Variants in UBE2R2 observed in about 807,000 individuals in gnomAD.
The protein encoded by UBE2R2 is ubiquitin-conjugating enzyme E2 R2.
UBE2R2 carries 1 observed loss-of-function variant against 27.8 expected under a neutral mutation model. The observed-to-expected ratio is 0.04, with a 90% CI of 0.01 to 0.17. The LOEUF (loss-of-function observed/expected upper bound fraction) is 0.17. UBE2R2 is among the 10% of genes least tolerant of loss of function. UBE2R2 has a pLI of 1.00. For synonymous variants in UBE2R2, 106 were observed against 113.3 expected, an observed-to-expected ratio of 0.94 and a Z score of 0.41; for missense variants, 100 against 291.0, an observed-to-expected ratio of 0.34 and a Z score of 4.78.
chr9:33,883,752 CAATA>C lies in UBE2R2; in HGVS notation c.178-3125_178-3122del, dbSNP rs1442741624. On this transcript the variant is annotated intron_variant, in intron 1 of 4. Transcript: ENST00000263228. Reference sequence around the variant, plus strand: ...AAAAAGAAATAAAAAAGAATAAGGTCAATAAATTGACCTATCTTCAAATTCACTA... The same window carrying C: ...AAAAAGAAATAAAAAAGAATAAGGTCAATTGACCTATCTTCAAATTCACTA... Among the ~76,000 whole-genome samples, 4 of 149,838 alleles carry C rather than the reference CAATA, an allele frequency of 2.7e-5. No homozygotes were observed. In the East Asian group the frequency reaches 5.9e-4, roughly 22 times the overall value.
At chr9:33,899,308 T>C (rs561266825) in intron 2 of UBE2R2, among the ~76,000 whole-genome samples, 139 of 152,250 alleles carry the variant, frequency 9.1e-4, no homozygotes, top group Non-Finnish European at 1.6e-3. Flanking sequence ...CAAGCGATTC[T>C]CCTGCCTCAG....
chr9:33,913,426 T>G (rs1822540675), intron 4 of UBE2R2, among the ~76,000 whole-genome samples: 1 of 152,046 alleles, frequency 6.6e-6, no homozygotes, highest in Admixed American at 6.6e-5. Flanking sequence ...ACCCAGCTAA[T>G]TTCTATTATT....
chr9:33,897,208 T>G (rs1025587719), intron 2 of UBE2R2, among the ~76,000 whole-genome samples: 1 of 151,066 alleles, frequency 6.6e-6, no homozygotes, highest in African/African-American at 2.4e-5. Flanking sequence ...GGCTAATTTT[T>G]TGTATTTTTA....
chr9:33,849,539 GATA>G (rs1300716863), intron 1 of UBE2R2, among the ~76,000 whole-genome samples: 1 of 151,834 alleles, frequency 6.6e-6, no homozygotes, highest in Non-Finnish European at 1.5e-5. Flanking sequence ...CAGGTTTGTT[GATA>G]ATAACTGCCT....
chr9:33,833,447 G>A (rs1406873683), intron 1 of UBE2R2, among the ~76,000 whole-genome samples: 2 of 152,188 alleles, frequency 1.3e-5, no homozygotes, highest in African/African-American at 4.8e-5. Flanking sequence ...ACCTGCCTCG[G>A]CCTCCCAAAG....
chr9:33,844,267 C>T (rs553336609), intron 1 of UBE2R2, among the ~76,000 whole-genome samples: 6 of 152,064 alleles, frequency 3.9e-5, no homozygotes, highest in South Asian at 2.1e-4. Flanking sequence ...TGCAGTGGCG[C>T]GATCTCCGCT....
At chr9:33,889,017 C>A (rs1053218541) in intron 2 of UBE2R2, among the ~76,000 whole-genome samples, 17 of 152,046 alleles carry the variant, frequency 1.1e-4, no homozygotes, top group Admixed American at 9.2e-4. Context: ...TAGAAATAAG[C>A]TTTCTAAATA....
chr9:33,907,635 A>G (rs1183537854), intron 3 of UBE2R2, among the ~76,000 whole-genome samples: 1 of 152,156 alleles, frequency 6.6e-6, no homozygotes, highest in Non-Finnish European at 1.5e-5. Context: ...GGGCGGGGAA[A>G]GCAAAGGGTA....
At chr9:33,845,347 C>T (rs1030406315) in intron 1 of UBE2R2, among the ~76,000 whole-genome samples, 6 of 151,304 alleles carry the variant, frequency 4.0e-5, no homozygotes, top group East Asian at 3.9e-4. Context: ...CCCGGGTTCA[C>T]GCCATTCTCC....
chr9:33,909,105 T>C (rs1829858860), intron 3 of UBE2R2, among the ~76,000 whole-genome samples: 1 of 152,164 alleles, frequency 6.6e-6, no homozygotes, highest in Non-Finnish European at 1.5e-5. Context: ...GGTTACTGTA[T>C]TGCACAGCAT....
intron 1 of UBE2R2, among the ~76,000 whole-genome samples, chr9:33,860,646 T>G (rs1447440364): frequency 1.3e-5 from 2 of 152,128 alleles, no homozygotes; most frequent in Non-Finnish European, 2.9e-5. Context: ...ACACCTGTAA[T>G]CCCACCAATT....
At chr9:33,907,248 G>A (rs1263167883) in intron 3 of UBE2R2, among the ~76,000 whole-genome samples, 2 of 152,192 alleles carry the variant, frequency 1.3e-5, no homozygotes, top group African/African-American at 4.8e-5. Context: ...TGAACCTCAA[G>A]ACTGTAAAGT....
chr9:33,911,118 C>CA (rs1441246412), intron 3 of UBE2R2, among the ~76,000 whole-genome samples: 3 of 149,412 alleles, frequency 2.0e-5, no homozygotes, highest in Admixed American at 6.7e-5. Context: ...CAAAACAAAA[C>CA]AAAAAAACGG....
intron 1 of UBE2R2, among the ~76,000 whole-genome samples, chr9:33,886,301 TAAAATTATATTTA>T: frequency 6.6e-6 from 1 of 152,208 alleles, no homozygotes; most frequent in African/African-American, 2.4e-5. Flanking sequence ...TGAGGCAAGT[TAAAATTATATTTA>T]TGTATGTTTG....
At chr9:33,835,216 T>C (rs895440881) in intron 1 of UBE2R2, among the ~76,000 whole-genome samples, 3 of 150,610 alleles carry the variant, frequency 2.0e-5, no homozygotes, top group Non-Finnish European at 1.5e-5. Context: ...GGCATGATCT[T>C]GGCTCACTGC....
At chr9:33,843,795 G>C (rs1820782485) in intron 1 of UBE2R2, among the ~76,000 whole-genome samples, 1 of 152,096 alleles carries the variant, frequency 6.6e-6, no homozygotes, top group Non-Finnish European at 1.5e-5. Context: ...TTTAACTTTT[G>C]TTTAAGACAG....
At chr9:33,859,793 T>TGA (rs767686442) in intron 1 of UBE2R2, among the ~76,000 whole-genome samples, 1 of 124,716 alleles carries the variant, frequency 8.0e-6, no homozygotes, top group African/African-American at 2.8e-5. Flanking sequence ...TGTGTGTGTG[T>TGA]GTGTGTGAGA....
chr9:33,915,471 A>G (rs1292776287), intron 4 of UBE2R2, among the ~76,000 whole-genome samples: 2 of 152,106 alleles, frequency 1.3e-5, no homozygotes, highest in Non-Finnish European at 2.9e-5. Context: ...TCCCAGGGAG[A>G]GTGCTGAGAG....
At chr9:33,864,216 A>G (rs759984911) in intron 1 of UBE2R2, among the ~76,000 whole-genome samples, 1 of 152,192 alleles carries the variant, frequency 6.6e-6, no homozygotes, top group South Asian at 2.1e-4. Context: ...AAAAACGGAA[A>G]GGAAAAACTT....
Sources: allele counts gnomAD v4.1 joint callset (sites outside exome capture counted in the v4.1 genomes callset), GRCh38; gene constraint gnomAD v4.1.1; transcripts MANE v1.5; gene names NCBI Gene and HGNC (gene_info 2026-07-23, HGNC 2026-07-21).